Variants in WWP2 observed in about 807,000 individuals in gnomAD.
The protein encoded by WWP2 is NEDD4-like E3 ubiquitin-protein ligase WWP2.
WWP2 carries 57 observed loss-of-function variants against 121.0 expected under a neutral mutation model. That is an observed-to-expected ratio of 0.47 (90% CI 0.38 to 0.59). The LOEUF is 0.59. Ranked by LOEUF, WWP2 falls within the 20% of genes least tolerant of loss-of-function variation. WWP2 has a pLI of 0.00. For synonymous variants in WWP2, 449 were observed against 441.3 expected (o/e 1.02, Z -0.22); for missense variants, 962 against 1,158.9 (o/e 0.83, Z 2.47).
intron 9 of WWP2, among the ~76,000 whole-genome samples, chr16:69,912,220 C>T (rs142066632): frequency 0.01 from 1,526 of 151,048 alleles, 16 homozygotes; most frequent in Middle Eastern, 0.017. Flanking sequence ...ACCCCAGCGG[C>T]GGAGGTTACA....
At chr16:69,847,220 G>A (rs1037444710) in intron 6 of WWP2, among the ~76,000 whole-genome samples, 6 of 151,996 alleles carry the variant, frequency 3.9e-5, no homozygotes, top group African/African-American at 1.4e-4. Flanking sequence ...GAGTAGCTGG[G>A]ACTACAGGCA....
At chr16:69,838,851 G>A in intron 4 of WWP2, 1 of 985,424 alleles carries the variant, frequency 1.0e-6, no homozygotes, top group Non-Finnish European at 1.2e-6. Flanking sequence ...AGAGATTAAG[G>A]GAAGGTAGAG....
intron 8 of WWP2, among the ~76,000 whole-genome samples, chr16:69,902,126 G>A (rs1304995804): frequency 6.6e-6 from 1 of 152,126 alleles, no homozygotes; most frequent in Non-Finnish European, 1.5e-5. Flanking sequence ...TGTAACAACG[G>A]GTAATTGAGC....
At chr16:69,931,121 A>T (rs2270840) in intron 13 of WWP2, 31 bp from the exon 14 acceptor site, 1,218,289 of 1,606,778 alleles carry the variant, frequency 0.76, 464,918 homozygotes, top group East Asian at 0.96. Context: ...GAGAAATCGC[A>T]TGAACCCCTG....
chr16:69,806,727 G>A (rs899225995), intron 4 of WWP2, among the ~76,000 whole-genome samples: 8 of 151,968 alleles, frequency 5.3e-5, no homozygotes, highest in South Asian at 2.1e-4. Context: ...GTTTAAAAAC[G>A]TCTGTAATAT....
intron 4 of WWP2, chr16:69,827,966 T>C: frequency 2.2e-6 from 1 of 452,066 alleles, no homozygotes; most frequent in East Asian, 7.0e-5. Context: ...TTGTATCTTG[T>C]TTTAAGAGGA....
intron 2 of WWP2, 109 bp from the exon 3 acceptor site, chr16:69,798,573 T>A: frequency 7.7e-7 from 1 of 1,300,064 alleles, no homozygotes; most frequent in Non-Finnish European, 1.0e-6. Flanking sequence ...ACAAAATGTA[T>A]TGATTTATTT....
At chr16:69,822,159 G>A (rs2056605231) in intron 4 of WWP2, among the ~76,000 whole-genome samples, 2 of 152,152 alleles carry the variant, frequency 1.3e-5, no homozygotes, top group African/African-American at 4.8e-5. Flanking sequence ...GAGCCATCAT[G>A]CCTGACCCCT....
rs1277779514 is a variant in WWP2 at position 69,900,963 on chromosome 16, G to T, written c.915-7798G>T. Among the ~76,000 whole-genome samples, 4 of 152,136 alleles carry T rather than the reference G, an allele frequency of 2.6e-5. No homozygotes were observed. The South Asian group carries it at 8.3e-4, about 31-fold the overall frequency. On this transcript the variant is annotated intron_variant, in intron 8 of 23. Coordinates refer to ENST00000359154, the MANE Select transcript of WWP2 (RefSeq NM_001270454.2). ...AGTGCTGGTTGTTGAGTTATTAAAA[G>T]GTTAGTGTGCTTAGATTTAAAGGCT... is the stretch of plus-strand genomic sequence containing the variant.
intron 4 of WWP2, among the ~76,000 whole-genome samples, chr16:69,807,803 A>G (rs186455432): frequency 1.3e-5 from 2 of 151,834 alleles, no homozygotes; most frequent in African/African-American, 2.4e-5. Context: ...AAAGAAATTT[A>G]AAAAAATTAG....
At position 69,799,381 on chromosome 16, in the gene WWP2, C is replaced by A; in HGVS notation, c.340+86C>A. ...ATCAACCTGGTATTGCAATTTCCCC[C>A]AGGACTAGGGGCTGCAGTACCTCTG... On this transcript the variant is annotated intron_variant, in intron 4 of 23. Transcript: ENST00000359154. The surrounding 1 kb of genome is among the most constrained non-coding windows in gnomAD (Gnocchi z 4.5). 3 of 1,531,816 alleles carry A rather than the reference C, an allele frequency of 2.0e-6. No homozygotes were observed. The highest frequency in any genetic ancestry group is 2.6e-6 in the Non-Finnish European group (3 of 1,135,784). The allele number at this position is 1,531,816 out of a possible 1,614,324, so 94.9% of individuals were successfully genotyped here. A position where few individuals can be genotyped will look rare whatever the true frequency, so the allele number is the denominator to read the frequency against.
At chr16:69,838,839 A>G (rs2151868837) in intron 4 of WWP2, 1 of 985,422 alleles carries the variant, frequency 1.0e-6, no homozygotes, top group East Asian at 1.1e-4. Flanking sequence ...ATGGCAGGGA[A>G]GAGAGATTAA....
Position 69,799,190 on chromosome 16 carries a change from A to G in WWP2, c.235A>G (p.Ser79Gly). Reference sequence around the variant, plus strand: ...GTTTTTCAGGAATGTCACGGCACAGAGTCATTTAGATTTAAAGGTCTGGAG... The same window carrying G: ...GTTTTTCAGGAATGTCACGGCACAGGGTCATTTAGATTTAAAGGTCTGGAG... ...EIIILNVTAQ[S>G]HLDLKVWSCH... The change falls in exon 4 of 24, where the codon AGT (serine) becomes GGT (glycine). Residue 79 changes from serine to glycine, a missense_variant. Around this residue, in one of 3 missense-constraint regions of WWP2, gnomAD observed 145 missense variants for 189.8 expected, o/e 0.76. Coordinates refer to ENST00000359154, the MANE Select transcript of WWP2 (RefSeq NM_001270454.2). This position sits in a 1 kb window ranked among gnomAD's most constrained non-coding sequence, Gnocchi z 4.5. The G allele has an allele frequency of 6.2e-7, 1 of 1,613,658 alleles. No homozygotes were observed. The highest frequency in any genetic ancestry group is 8.5e-7 in the Non-Finnish European group (1 of 1,179,864).
At position 69,799,098 on chromosome 16, in the gene WWP2, G is replaced by A; in HGVS notation, c.219-76G>A. The A allele has an allele frequency of 1.9e-6, 3 of 1,547,394 alleles. No individual in the cohort carries two copies. The highest frequency in any genetic ancestry group is 1.4e-5 in the African/African-American group (1 of 72,682). ...GTTCCCCCTCCCCAAGATGTCAGCA[G>A]TTTAGTTTAAATGTTTTCTTCTAAG... On this transcript the variant is annotated intron_variant, in intron 3 of 23. Coordinates refer to ENST00000359154, the MANE Select transcript of WWP2 (RefSeq NM_001270454.2). The surrounding 1 kb of genome is among the most constrained non-coding windows in gnomAD (Gnocchi z 4.5).
chr16:69,850,475 C>T (rs1425587106), intron 6 of WWP2, among the ~76,000 whole-genome samples: 1 of 151,500 alleles, frequency 6.6e-6, no homozygotes, highest in Non-Finnish European at 1.5e-5. Context: ...GAGTTAGAGT[C>T]TAGTGTGATG....
intron 7 of WWP2, among the ~76,000 whole-genome samples, chr16:69,883,985 T>C (rs140513228): frequency 3.2e-4 from 49 of 152,350 alleles, no homozygotes; most frequent in Non-Finnish European, 4.7e-4. Flanking sequence ...TATATGTTAC[T>C]AAAACTTTAA....
chr16:69,877,933 C>T (rs1013557134), intron 7 of WWP2, among the ~76,000 whole-genome samples: 1 of 152,046 alleles, frequency 6.6e-6, no homozygotes, highest in Non-Finnish European at 1.5e-5. Flanking sequence ...TCAGCCCCCC[C>T]AGTAGCTGGG....
intron 8 of WWP2, among the ~76,000 whole-genome samples, chr16:69,888,537 C>T (rs1285990348): frequency 6.6e-6 from 1 of 152,122 alleles, no homozygotes; most frequent in Non-Finnish European, 1.5e-5. Flanking sequence ...ATTTTGCTTT[C>T]CTGAATCATT....
At chr16:69,891,212 A>G (rs1050943165) in intron 8 of WWP2, among the ~76,000 whole-genome samples, 2 of 152,160 alleles carry the variant, frequency 1.3e-5, no homozygotes, top group Non-Finnish European at 2.9e-5. Flanking sequence ...TCCAGTTCAT[A>G]GGCCTGCCAG....
Sources: gnomAD v4.1 joint callset for allele counts (sites outside exome capture counted in the v4.1 genomes callset) on GRCh38, gnomAD v4.1.1 for gene constraint, gnomAD v4.1.1 regional missense constraint, Gnocchi (gnomAD v3.1) non-coding constraint, MANE v1.5 for transcripts, NCBI Gene and HGNC (gene_info 2026-07-23, HGNC 2026-07-21) for gene names.